DDX17: variants seen among roughly 807,000 people sequenced by gnomAD.
The protein encoded by DDX17 is DEAD-box helicase 17.
A neutral mutation model predicts 80.8 loss-of-function variants in DDX17; 10 were observed. That is an observed-to-expected ratio of 0.12 (90% CI 0.08 to 0.21). DDX17 has a LOEUF of 0.21. DDX17 is among the 10% of genes least tolerant of loss of function. The pLI is 1.00. For missense variants in DDX17, 586 were observed against 957.4 expected (o/e 0.61, Z 5.12); for synonymous variants, 339 against 336.2 (o/e 1.01, Z -0.09).
intron 11 of DDX17, chr22:38,490,274 G>C: frequency 7.9e-7 from 1 of 1,263,982 alleles, no homozygotes; most frequent in South Asian, 1.3e-5. Flanking sequence ...AGCTGACTGG[G>C]ATAAGAACCT....
intron 11 of DDX17, chr22:38,490,138 C>T (rs1569137864): frequency 4.3e-6 from 5 of 1,156,424 alleles, no homozygotes; most frequent in Non-Finnish European, 5.4e-6. Flanking sequence ...CAGGAGCAAG[C>T]GCAGAATTTG....
intron 11 of DDX17, chr22:38,488,747 G>C: frequency 1.0e-6 from 1 of 985,778 alleles, no homozygotes; most frequent in Non-Finnish European, 1.2e-6. Flanking sequence ...TTCCTTTGCA[G>C]AAACATCCAG....
chr22:38,488,370 C>A (rs1281683706), intron 11 of DDX17: 1 of 1,360,062 alleles, frequency 7.4e-7, no homozygotes, highest in Non-Finnish European at 9.5e-7. Context: ...CCCATCCAAA[C>A]ATCCAAACTC....
intron 7 of DDX17, 31 bp from the exon 8 acceptor site, chr22:38,494,833 C>G (rs759681385): frequency 6.2e-7 from 1 of 1,613,884 alleles, no homozygotes; most frequent in East Asian, 2.2e-5. Flanking sequence ...TTCTTTCAGG[C>G]TAAGGAACTT....
intron 5 of DDX17, among the ~76,000 whole-genome samples, chr22:38,496,479 A>G (rs2145700358): frequency 6.6e-6 from 1 of 152,274 alleles, no homozygotes; most frequent in East Asian, 1.9e-4. Context: ...CCTCCTGAGT[A>G]GCTGGGACTA....
At chr22:38,500,939 T>A (rs2145708358) in intron 2 of DDX17, among the ~76,000 whole-genome samples, 191 bp downstream of exon 2, 1 of 138,492 alleles carries the variant, frequency 7.2e-6, no homozygotes, top group African/African-American at 2.7e-5. Flanking sequence ...AAGACCAGCC[T>A]GGGGAATATG....
intron 11 of DDX17, chr22:38,490,842 C>T: frequency 5.6e-6 from 1 of 177,908 alleles, no homozygotes; most frequent in South Asian, 1.1e-4. Context: ...CCTTCCCTCT[C>T]CCCTCACTTG....
intron 11 of DDX17, chr22:38,490,548 T>TA: frequency 4.8e-6 from 4 of 828,504 alleles, no homozygotes; most frequent in Non-Finnish European, 6.8e-6. Context: ...AGTGGTAGCC[T>TA]AAGGATGACT....
chr22:38,490,287 T>C, intron 11 of DDX17: 1 of 1,268,012 alleles, frequency 7.9e-7, no homozygotes, highest in Non-Finnish European at 1.0e-6. Context: ...AAGAACCTTT[T>C]GTCTGAAAGG....
At chr22:38,496,914 T>C (rs1425086908) in intron 5 of DDX17, among the ~76,000 whole-genome samples, 1 of 152,246 alleles carries the variant, frequency 6.6e-6, no homozygotes, top group Non-Finnish European at 1.5e-5. Context: ...TACTATGTAT[T>C]ATAAGTACTG....
At chr22:38,498,802 A>G (rs1169874001) in intron 3 of DDX17, among the ~76,000 whole-genome samples, 1 of 152,164 alleles carries the variant, frequency 6.6e-6, no homozygotes, top group Admixed American at 6.5e-5. Flanking sequence ...AGGCCAGTGG[A>G]GGCCAGGAGT....
chr22:38,488,012 G>T lies in DDX17; in HGVS notation c.1551C>A (p.Thr517=), dbSNP rs180724621. 174 of 1,614,194 alleles carry T rather than the reference G, an allele frequency of 1.1e-4. No homozygotes were observed. Among genetic ancestry groups the T allele is most frequent in the Non-Finnish European group, 1.3e-4 (157 of 1,180,042 alleles). ...TCCCTGGGGTGAAGAAGGTATAGGC[G>T]GTACCCTTGTTGGTGCTACGGGCTG... The change falls in exon 12 of 13, where the codon ACC becomes ACA. Residue 517 remains threonine (T), a synonymous_variant. Coordinates refer to ENST00000403230, the MANE Select transcript of DDX17 (RefSeq NM_006386.5).
intron 1 of DDX17, among the ~76,000 whole-genome samples, chr22:38,504,928 G>A (rs953867309): frequency 9.2e-5 from 14 of 152,272 alleles, no homozygotes; most frequent in African/African-American, 3.1e-4. Flanking sequence ...GGGGTCGGGG[G>A]AGACGGAGTT....
chr22:38,492,422 C>T (rs2089722265), intron 10 of DDX17, among the ~76,000 whole-genome samples: 1 of 152,074 alleles, frequency 6.6e-6, no homozygotes, highest in Admixed American at 6.6e-5. Context: ...CAGTAGGAAA[C>T]AAGTTCAAAA....
At chr22:38,495,699 A>T (rs2089757004) in intron 6 of DDX17, 97 bp downstream of exon 6, 3 of 981,490 alleles carry the variant, frequency 3.1e-6, no homozygotes, top group East Asian at 5.5e-5. Context: ...TGAAATTCTG[A>T]GTTTATCACA....
intron 10 of DDX17, 129 bp downstream of exon 10, chr22:38,493,581 T>C (rs1329851983): frequency 5.6e-6 from 4 of 719,712 alleles, no homozygotes; most frequent in African/African-American, 3.6e-5. Flanking sequence ...ACCATTTGGT[T>C]TACAAAGCCA....
At chr22:38,491,858 G>A (rs936499873) in intron 11 of DDX17, 198 bp downstream of exon 11, 43 of 453,656 alleles carry the variant, frequency 9.5e-5, no homozygotes, top group Admixed American at 3.3e-4. Flanking sequence ...TAAAAGGGGG[G>A]TGGGGGAAAC....
intron 1 of DDX17, among the ~76,000 whole-genome samples, chr22:38,504,926 G>A (rs1188990833): frequency 6.6e-6 from 1 of 152,112 alleles, no homozygotes; most frequent in Admixed American, 6.5e-5. Context: ...GGGGGGTCGG[G>A]GGAGACGGAG....
intron 11 of DDX17, 143 bp from the exon 12 acceptor site, chr22:38,488,258 A>G (rs746781506): frequency 2.6e-5 from 41 of 1,555,140 alleles, no homozygotes; most frequent in Non-Finnish European, 3.2e-5. Context: ...CTCTGAACAG[A>G]AACAAAAAAA....
Sources: allele counts gnomAD v4.1 joint callset (sites outside exome capture counted in the v4.1 genomes callset), GRCh38; gene constraint gnomAD v4.1.1; transcripts MANE v1.5; gene names NCBI Gene and HGNC (gene_info 2026-07-23, HGNC 2026-07-21).